PTDSS1: variants seen among roughly 807,000 people sequenced by gnomAD.
The protein encoded by PTDSS1 is PSS-1.
PTDSS1 carries 45 observed loss-of-function variants against 70.5 expected under a neutral mutation model. The ratio of observed to expected loss-of-function variants is 0.64; its 90% CI spans 0.50 to 0.82. The LOEUF (loss-of-function observed/expected upper bound fraction) is 0.82. Ranked by LOEUF, PTDSS1 falls within the 40% of genes least tolerant of loss-of-function variation. PTDSS1 has a pLI of 0.00. For synonymous variants in PTDSS1, 188 were observed against 203.8 expected (o/e 0.92, Z 0.66); for missense variants, 417 against 586.1 (o/e 0.71, Z 2.98).
rs955543792 is a variant in PTDSS1 at position 96,333,639 on chromosome 8, CCGTGAGGAGGTCGAG to C, written c.*74_*88del. 2.1e-6 allele frequency: 3 copies of C among 1,440,602 alleles called. No individual in the cohort carries two copies. Among genetic ancestry groups the C allele is most frequent in the Non-Finnish European group, 2.9e-6 (3 of 1,023,290 alleles). 89.2% of individuals were successfully genotyped at this position (1,440,602 alleles called of 1,614,324 possible). A position where few individuals can be genotyped will look rare whatever the true frequency, so the allele number is the denominator to read the frequency against. ...GGAAATGGAACTCATTTGGAACTCC[CCGTGAGGAGGTCGAG>C]GCGCACAGGGCAAGCAGGAAGAGGC... On this transcript the variant is annotated 3_prime_UTR_variant, in exon 13 of 13. Coordinates refer to ENST00000517309, the MANE Select transcript of PTDSS1 (RefSeq NM_014754.3).
chr8:96,284,180 G>A lies in PTDSS1; in HGVS notation c.316+27G>A, dbSNP rs770399109. The A allele has an allele frequency of 3.2e-6, 5 of 1,570,974 alleles. No homozygotes were observed. In the South Asian group the frequency reaches 5.7e-5, roughly 18 times the overall value. On this transcript the variant is annotated intron_variant, in intron 3 of 12. Coordinates refer to ENST00000517309, the MANE Select transcript of PTDSS1 (RefSeq NM_014754.3). Reference sequence around the variant, plus strand: ...TGAGTTTATATTAGCAATGTAAAAGGATGTTCTATTTTTTTAATCTTTTTT... The same window carrying A: ...TGAGTTTATATTAGCAATGTAAAAGAATGTTCTATTTTTTTAATCTTTTTT...
intron 8 of PTDSS1, among the ~76,000 whole-genome samples, chr8:96,308,642 C>T (rs566874632): frequency 4.6e-5 from 7 of 152,232 alleles, no homozygotes; most frequent in South Asian, 4.1e-4. Context: ...TGAAATGTGC[C>T]GTGCATGGAA....
chr8:96,303,181 G>C (rs756228852), intron 6 of PTDSS1, among the ~76,000 whole-genome samples: 1 of 152,130 alleles, frequency 6.6e-6, no homozygotes, highest in Non-Finnish European at 1.5e-5. Flanking sequence ...TATTTTTACA[G>C]TACAAGTCTT....
chr8:96,333,224 G>A (rs1466917861), intron 12 of PTDSS1, among the ~76,000 whole-genome samples: 1 of 152,154 alleles, frequency 6.6e-6, no homozygotes, highest in Non-Finnish European at 1.5e-5. Flanking sequence ...CACGCTTCAG[G>A]AACCACCCAG....
intron 4 of PTDSS1, among the ~76,000 whole-genome samples, chr8:96,291,723 T>C (rs1054029434): frequency 6.6e-6 from 1 of 152,218 alleles, no homozygotes; most frequent in African/African-American, 2.4e-5. Flanking sequence ...GCATTTGCAG[T>C]ATCATCATTT....
chr8:96,322,133 C>A (rs146457086), intron 10 of PTDSS1, among the ~76,000 whole-genome samples: 22 of 152,128 alleles, frequency 1.4e-4, no homozygotes, highest in African/African-American at 4.6e-4. Context: ...GCCCTCCTCA[C>A]CACAGCAAAT....
Position 96,334,613 on chromosome 8 carries a change from C to T in PTDSS1, c.*1047C>T, listed in dbSNP as rs1811569941. ...ACTGGTATCTTCTATTGATTGTAAG[C>T]AGTCTGTGTTTTTCAAGTGACTTTA... is the stretch of plus-strand genomic sequence containing the variant. On this transcript the variant is annotated 3_prime_UTR_variant, in exon 13 of 13. Coordinates refer to ENST00000517309, the MANE Select transcript of PTDSS1 (RefSeq NM_014754.3). 6.6e-6 allele frequency: 1 copy of T among 152,572 alleles called. No individual in the cohort carries two copies. Among genetic ancestry groups the T allele is most frequent in the Non-Finnish European group, 1.5e-5 (1 of 68,030 alleles). 9.5% of individuals were successfully genotyped at this position (152,572 alleles called of 1,614,324 possible). A position where few individuals can be genotyped will look rare whatever the true frequency, so the allele number is the denominator to read the frequency against.
At chr8:96,281,617 C>G (rs963555660) in intron 2 of PTDSS1, among the ~76,000 whole-genome samples, 1 of 152,176 alleles carries the variant, frequency 6.6e-6, no homozygotes, top group African/African-American at 2.4e-5. Flanking sequence ...CCTGTTGCAT[C>G]GGCTCTAAAC....
intron 4 of PTDSS1, among the ~76,000 whole-genome samples, chr8:96,289,171 G>A (rs184358875): frequency 3.4e-4 from 52 of 152,072 alleles, no homozygotes; most frequent in African/African-American, 1.2e-3. Context: ...CTGACCTCAG[G>A]TGATTTGCCC....
intron 12 of PTDSS1, among the ~76,000 whole-genome samples, chr8:96,332,961 A>G (rs1811538734): frequency 1.3e-5 from 2 of 152,220 alleles, no homozygotes; most frequent in African/African-American, 4.8e-5. Context: ...TGAATTGTAA[A>G]GATGTTCTCC....
chr8:96,262,462 G>A lies in PTDSS1; in HGVS notation c.179+243G>A, dbSNP rs1810421816. Among the ~76,000 whole-genome samples, 1 of 152,142 alleles carries A rather than the reference G, an allele frequency of 6.6e-6. No individual in the cohort carries two copies. Among genetic ancestry groups the A allele is most frequent in the Admixed American group, 6.5e-5 (1 of 15,278 alleles). ...CATACAGCGCCTCCGGTTACACGGG[G>A]AACGCACGCGAGTCACCTAGCACGA... On this transcript the variant is annotated intron_variant, in intron 1 of 12. Coordinates refer to ENST00000517309, the MANE Select transcript of PTDSS1 (RefSeq NM_014754.3). The surrounding 1 kb of genome is among the most constrained non-coding windows in gnomAD (Gnocchi z 4.4).
chr8:96,307,653 C>T (rs1209762408), intron 8 of PTDSS1, among the ~76,000 whole-genome samples: 1 of 151,982 alleles, frequency 6.6e-6, no homozygotes, highest in Non-Finnish European at 1.5e-5. Flanking sequence ...TCTCATAAAT[C>T]CTGTTTTTTC....
intron 1 of PTDSS1, among the ~76,000 whole-genome samples, chr8:96,267,686 A>G (rs936431966): frequency 6.6e-6 from 1 of 152,240 alleles, no homozygotes; most frequent in Non-Finnish European, 1.5e-5. Flanking sequence ...TCGGTATTTC[A>G]GTAGATGCCT....
chr8:96,332,433 C>T (rs1168943952), intron 12 of PTDSS1, among the ~76,000 whole-genome samples: 1 of 152,208 alleles, frequency 6.6e-6, no homozygotes, highest in East Asian at 1.9e-4. Context: ...GCATCAGGCT[C>T]ATTAAAGATC....
At chr8:96,311,334 A>T (rs1811209577) in intron 9 of PTDSS1, among the ~76,000 whole-genome samples, 1 of 152,192 alleles carries the variant, frequency 6.6e-6, no homozygotes, top group Non-Finnish European at 1.5e-5. Context: ...TATAAAGAAA[A>T]ATTGAGGAAA....
intron 3 of PTDSS1, among the ~76,000 whole-genome samples, chr8:96,284,557 G>T (rs75575609): frequency 0.085 from 12,983 of 152,200 alleles, 1,780 homozygotes; most frequent in African/African-American, 0.29. Flanking sequence ...AATTTCTTCA[G>T]TTTTATGAAT....
intron 1 of PTDSS1, among the ~76,000 whole-genome samples, chr8:96,265,859 A>G (rs1242479169): frequency 6.6e-6 from 1 of 152,238 alleles, no homozygotes; most frequent in Non-Finnish European, 1.5e-5. Flanking sequence ...TGGGAAGCCA[A>G]GGTGGGAGGA....
rs571915971 is a variant in PTDSS1, at chr8:96,332,698, T to G, written c.1313-759T>G. ...TGATGGAATAATAAAAAAAGAAAAATAACAAAAACAGAAGTCTTCTGAGTG... is the reference window on the plus strand; with the variant it reads ...TGATGGAATAATAAAAAAAGAAAAAGAACAAAAACAGAAGTCTTCTGAGTG... On this transcript the variant is annotated intron_variant, in intron 12 of 12. Transcript: ENST00000517309. 6.6e-5 allele frequency among the ~76,000 whole-genome samples: 10 copies of G among 152,312 alleles called. No individual in the cohort carries two copies. The East Asian group carries it at 1.9e-3, about 29-fold the overall frequency.
Position 96,310,835 on chromosome 8 carries a change from G to A in PTDSS1, c.1073+1213G>A, listed in dbSNP as rs536775189. On this transcript the variant is annotated intron_variant, in intron 9 of 12. Transcript: ENST00000517309. ...GGCTGGAGTACAGTGGCGTGATCTC[G>A]GCTCACTGCAACCTCCGCCTCCCAG... Among the ~76,000 whole-genome samples the A allele has an allele frequency of 1.2e-4, 18 of 151,560 alleles. No homozygotes were observed. The East Asian group carries it at 2.1e-3, about 18-fold the overall frequency.
Sources: gnomAD v4.1 joint callset for allele counts (sites outside exome capture counted in the v4.1 genomes callset) on GRCh38, gnomAD v4.1.1 for gene constraint, Gnocchi (gnomAD v3.1) non-coding constraint, MANE v1.5 for transcripts, NCBI Gene and HGNC (gene_info 2026-07-23, HGNC 2026-07-21) for gene names.